Variants in RBM17 observed in about 807,000 individuals in gnomAD.
The protein encoded by RBM17 is RNA binding motif protein 17.
In RBM17, 7 loss-of-function variants were observed where a neutral mutation model predicts 53.2. The ratio of observed to expected loss-of-function variants is 0.13; its 90% CI spans 0.07 to 0.25. The LOEUF is 0.25. Among genes scored for constraint, RBM17 ranks in the 10% least tolerant of loss-of-function variants. RBM17 has a pLI of 1.00. For missense variants in RBM17, 257 were observed against 496.7 expected, an observed-to-expected ratio of 0.52 and a Z score of 4.59; for synonymous variants, 167 against 178.1, an observed-to-expected ratio of 0.94 and a Z score of 0.50.
At chr10:6,109,347 T>G (rs1840803373) in intron 6 of RBM17, among the ~76,000 whole-genome samples, 1 of 152,238 alleles carries the variant, frequency 6.6e-6, no homozygotes. Flanking sequence ...ATAGTACTTT[T>G]TAAAACTTGT....
At chr10:6,092,119 A>G (rs1340622493) in intron 1 of RBM17, among the ~76,000 whole-genome samples, 1 of 152,256 alleles carries the variant, frequency 6.6e-6, no homozygotes, top group East Asian at 1.9e-4. Flanking sequence ...TGTTGCCACA[A>G]AAAGGAAGGA....
At chr10:6,101,200 A>G in intron 2 of RBM17, 71 bp from the exon 3 acceptor site, 2 of 933,268 alleles carry the variant, frequency 2.1e-6, no homozygotes, top group Non-Finnish European at 3.2e-6. Context: ...CAGAAAGAAA[A>G]TCTTTGTTGC....
intron 1 of RBM17, among the ~76,000 whole-genome samples, chr10:6,092,267 G>A (rs1313479261): frequency 6.6e-6 from 1 of 152,176 alleles, no homozygotes; most frequent in African/African-American, 2.4e-5. Context: ...AATGTGTTAT[G>A]TTGTCTAAGT....
At chr10:6,099,834 G>C (rs903955420) in intron 2 of RBM17, among the ~76,000 whole-genome samples, 1 of 152,128 alleles carries the variant, frequency 6.6e-6, no homozygotes, top group Non-Finnish European at 1.5e-5. Context: ...AAGGCGGGTG[G>C]ATCACCTGAG....
chr10:6,101,892 CAG>C (rs41295147), intron 3 of RBM17, among the ~76,000 whole-genome samples: 4,749 of 152,236 alleles, frequency 0.031, 96 homozygotes, highest in Non-Finnish European at 0.046. Context: ...TGGATTAAAA[CAG>C]AGAAAGGGGT....
rs368547331 is a variant in RBM17, at chr10:6,108,737, A to G, written c.557A>G (p.Lys186Arg). 6.2e-7 allele frequency: 1 copy of G among 1,610,628 alleles called. No homozygotes were observed. Among genetic ancestry groups the G allele is most frequent in the African/African-American group, 1.3e-5 (1 of 74,810 alleles). The change falls in exon 6 of 12, where the codon AAA becomes AGA. Residue 186 changes from lysine (K) to arginine (R), a missense_variant. By Grantham distance (26) the Lys-to-Arg change is conservative. Around this residue, in one of 6 missense-constraint regions of RBM17, gnomAD observed 68 missense variants for 60.0 expected, o/e 1.13. Transcript: ENST00000379888. ...CCCACTTCTCTGGTAGAGAAAGACA[A>G]AGAGTGTAAGTAGATCTGTTTCTTC... Reference protein sequence around the residue: ...APPTSLVEKDKELPRDFPYEE... With the variant: ...APPTSLVEKDRELPRDFPYEE...
At chr10:6,099,456 G>C (rs543645947) in intron 2 of RBM17, among the ~76,000 whole-genome samples, 1 of 152,186 alleles carries the variant, frequency 6.6e-6, no homozygotes, top group Admixed American at 6.5e-5. Flanking sequence ...GTCCACAGGG[G>C]ATTGGTTCCA....
At chr10:6,091,025 A>ATATATTTATG (rs1840475472) in intron 1 of RBM17, among the ~76,000 whole-genome samples, 1 of 127,744 alleles carries the variant, frequency 7.8e-6, no homozygotes, top group Non-Finnish European at 1.7e-5. Context: ...ATATATTTAT[A>ATATATTTATG]TATATTTATA....
chr10:6,092,711 A>C (rs982913535), intron 1 of RBM17, among the ~76,000 whole-genome samples: 1 of 152,240 alleles, frequency 6.6e-6, no homozygotes, highest in Admixed American at 6.5e-5. Flanking sequence ...ATTCAGTGAA[A>C]ATGAGAAAAA....
intron 10 of RBM17, 128 bp downstream of exon 10, chr10:6,114,275 A>AT: frequency 1.7e-6 from 1 of 579,656 alleles, no homozygotes. Context: ...GGCGTTGGTT[A>AT]TTTGTACTTC....
chr10:6,100,427 G>A (rs751982023), intron 2 of RBM17, among the ~76,000 whole-genome samples: 1 of 152,136 alleles, frequency 6.6e-6, no homozygotes, highest in Admixed American at 6.6e-5. Context: ...CCCTGAATTC[G>A]ATCAGGCCTT....
At chr10:6,093,162 T>C (rs1840513988) in intron 1 of RBM17, among the ~76,000 whole-genome samples, 1 of 152,190 alleles carries the variant, frequency 6.6e-6, no homozygotes, top group Admixed American at 6.5e-5. Flanking sequence ...TGCCTCCCTC[T>C]CTGGGGGTTA....
intron 1 of RBM17, among the ~76,000 whole-genome samples, chr10:6,091,541 T>A (rs1840484651): frequency 6.6e-6 from 1 of 152,166 alleles, no homozygotes; most frequent in African/African-American, 2.4e-5. Context: ...GGTTTGCAAT[T>A]TAAATTTTAT....
At chr10:6,093,386 G>C (rs991701044) in intron 1 of RBM17, among the ~76,000 whole-genome samples, 1 of 151,950 alleles carries the variant, frequency 6.6e-6, no homozygotes, top group Non-Finnish European at 1.5e-5. Context: ...CACCTGGCTA[G>C]TTTTATATTT....
At chr10:6,102,785 C>T (rs1223213357) in intron 3 of RBM17, among the ~76,000 whole-genome samples, 6 of 152,182 alleles carry the variant, frequency 3.9e-5, no homozygotes, top group Admixed American at 3.9e-4. Context: ...ATAAATACCA[C>T]TCTAATGAAC....
At chr10:6,095,130 C>T (rs1840553389) in intron 1 of RBM17, among the ~76,000 whole-genome samples, 1 of 152,132 alleles carries the variant, frequency 6.6e-6, no homozygotes, top group African/African-American at 2.4e-5. Flanking sequence ...CGAGACATCC[C>T]CAAGTTCCTG....
At chr10:6,103,480 T>C (rs1223031619) in intron 3 of RBM17, among the ~76,000 whole-genome samples, 1 of 152,204 alleles carries the variant, frequency 6.6e-6, no homozygotes, top group East Asian at 1.9e-4. Flanking sequence ...GATAATTGTG[T>C]TAGATAAATT....
chr10:6,111,310 G>C (rs577848953), intron 7 of RBM17, among the ~76,000 whole-genome samples: 1 of 152,350 alleles, frequency 6.6e-6, no homozygotes, highest in South Asian at 2.1e-4. Context: ...GTGGGGTCCA[G>C]TTTCAGCTCT....
chr10:6,105,089 A>C lies in RBM17; in HGVS notation c.399A>C (p.Glu133Asp). 2.5e-6 allele frequency: 4 copies of C among 1,612,890 alleles called. No homozygotes were observed. The highest frequency in any genetic ancestry group is 3.4e-6 in the Non-Finnish European group (4 of 1,179,456). Residue 133 changes from glutamate to aspartate, a missense_variant, in exon 4 of 12, where the codon GAA (glutamate) becomes GAC (aspartate). Physicochemically the swap from Glu to Asp is conservative, Grantham distance 45. Around this residue, in one of 6 missense-constraint regions of RBM17, gnomAD observed 127 missense variants for 217.2 expected, o/e 0.58. Coordinates refer to ENST00000379888, the MANE Select transcript of RBM17 (RefSeq NM_032905.5). The stretch of plus-strand genomic sequence containing the variant: ...TGGAAAGACAAAAGGAAATAGAAGA[A>C]AGGGAAAAGTAAGGCTTCCTTTGGA... Reference protein sequence around the residue: ...RELERQKEIEEREKRRKDRHE... With the variant: ...RELERQKEIEDREKRRKDRHE...
Sources: allele counts gnomAD v4.1 joint callset (sites outside exome capture counted in the v4.1 genomes callset), GRCh38; gene constraint gnomAD v4.1.1; regional missense constraint gnomAD v4.1.1; transcripts MANE v1.5; gene names NCBI Gene and HGNC (gene_info 2026-07-23, HGNC 2026-07-21).